KLF12: variants seen among roughly 807,000 people sequenced by gnomAD.
The protein encoded by KLF12 is KLF transcription factor 12.
A neutral mutation model predicts 37.8 loss-of-function variants in KLF12; 9 were observed. That is an observed-to-expected ratio of 0.24 (90% CI 0.14 to 0.42). The LOEUF (loss-of-function observed/expected upper bound fraction) is 0.42, where lower values mean the gene tolerates loss of function less well. Among genes scored for constraint, KLF12 ranks in the 10% least tolerant of loss-of-function variants. The probability of loss-of-function intolerance (pLI) is 1.00; values close to 1 mark genes in which losing one functional copy is unlikely to be tolerated. For synonymous variants in KLF12, 208 were observed against 202.1 expected, an observed-to-expected ratio of 1.03 and a Z score of -0.25; for missense variants, 411 against 516.0, an observed-to-expected ratio of 0.80 and a Z score of 1.97.
rs180797252 is a variant in KLF12, at chr13:74,113,514, C to A, written c.-32+20225G>T. 9.3e-4 allele frequency among the ~76,000 whole-genome samples: 141 copies of A among 152,276 alleles called. 1 individual carries two copies. Among genetic ancestry groups the A allele is most frequent in the African/African-American group, 3.2e-3 (134 of 41,580 alleles). ...CCCTGCCTGTGCTTTATAAATGGAACAACAAAGCCTGGATAATGGCACATC... is the reference window on the plus strand; with the variant it reads ...CCCTGCCTGTGCTTTATAAATGGAAAAACAAAGCCTGGATAATGGCACATC... On this transcript the variant is annotated intron_variant, in intron 1 of 7. Coordinates refer to ENST00000377669, the MANE Select transcript of KLF12 (RefSeq NM_007249.5).
intron 1 of KLF12, among the ~76,000 whole-genome samples, chr13:74,082,022 A>C (rs61958001): frequency 0.19 from 29,329 of 152,042 alleles, 2,993 homozygotes; most frequent in African/African-American, 0.27. Flanking sequence ...AACAAAAGAA[A>C]TTCACATAAA....
intron 6 of KLF12, among the ~76,000 whole-genome samples, chr13:73,753,287 T>C (rs1380611224): frequency 6.6e-6 from 1 of 152,192 alleles, no homozygotes; most frequent in East Asian, 1.9e-4. Context: ...AAGGCCTTTG[T>C]GTGAGCTGTT....
chr13:74,241,128 G>T, the KLF12 span, among the ~76,000 whole-genome samples: 1 of 151,404 alleles, frequency 6.6e-6, no homozygotes, highest in Non-Finnish European at 1.5e-5. Flanking sequence ...TTTTGGTGTG[G>T]ATGTCCTTTC....
chr13:73,800,556 C>T (rs886878053), intron 5 of KLF12: 5 of 151,996 alleles, frequency 3.3e-5, no homozygotes, highest in African/African-American at 1.2e-4. Context: ...TATTTCCTCA[C>T]CCTACTGATG....
intron 1 of KLF12, among the ~76,000 whole-genome samples, chr13:74,041,684 G>A (rs969741241): frequency 1.7e-4 from 22 of 127,766 alleles, no homozygotes; most frequent in Non-Finnish European, 3.2e-4. Flanking sequence ...TCCCCAGATC[G>A]CTGATTTACA....
intron 5 of KLF12, among the ~76,000 whole-genome samples, chr13:73,792,954 T>A (rs1881770967): frequency 6.6e-6 from 1 of 152,240 alleles, no homozygotes; most frequent in South Asian, 2.1e-4. Context: ...TGAACACGTG[T>A]CTCACTCTGC....
At chr13:74,143,482 G>A in the KLF12 span, among the ~76,000 whole-genome samples, 2 of 151,516 alleles carry the variant, frequency 1.3e-5, no homozygotes, top group Non-Finnish European at 1.5e-5. Context: ...CATTTACTAT[G>A]TGCCACACAC....
chr13:74,210,588 AT>A, the KLF12 span, among the ~76,000 whole-genome samples: 1 of 152,188 alleles, frequency 6.6e-6, no homozygotes, highest in Non-Finnish European at 1.5e-5. Context: ...AGGTCATAAA[AT>A]TTGGTTGAAT....
the KLF12 span, among the ~76,000 whole-genome samples, chr13:74,209,188 A>G: frequency 6.6e-6 from 1 of 152,090 alleles, no homozygotes; most frequent in Non-Finnish European, 1.5e-5. Flanking sequence ...TATTCAATAG[A>G]TATTGGATTC....
chr13:74,191,412 G>A, the KLF12 span, among the ~76,000 whole-genome samples: 1 of 152,252 alleles, frequency 6.6e-6, no homozygotes, highest in East Asian at 1.9e-4. Context: ...ATTTTGTTGA[G>A]TTATATTTAT....
chr13:74,105,299 T>G (rs1421853024), intron 1 of KLF12, among the ~76,000 whole-genome samples: 2 of 152,202 alleles, frequency 1.3e-5, no homozygotes, highest in African/African-American at 2.4e-5. Context: ...ATGAGTTTTA[T>G]ATCTTCAAAA....
intron 2 of KLF12, among the ~76,000 whole-genome samples, chr13:73,966,518 G>C (rs955373586): frequency 6.6e-6 from 1 of 152,150 alleles, no homozygotes; most frequent in Non-Finnish European, 1.5e-5. Context: ...CTGTTCCTTG[G>C]GGATTTGTAA....
chr13:74,094,120 C>A (rs551868679), intron 1 of KLF12, among the ~76,000 whole-genome samples: 21 of 152,076 alleles, frequency 1.4e-4, no homozygotes, highest in African/African-American at 4.3e-4. Flanking sequence ...CCACCTCTAC[C>A]TTATATATAG....
At chr13:74,194,854 G>T in the KLF12 span, among the ~76,000 whole-genome samples, 1 of 152,162 alleles carries the variant, frequency 6.6e-6, no homozygotes, top group Admixed American at 6.5e-5. Flanking sequence ...AAACAAACCA[G>T]ATTTTAAAAA....
chr13:73,759,624 G>C (rs892223329), intron 6 of KLF12, among the ~76,000 whole-genome samples: 2 of 152,152 alleles, frequency 1.3e-5, no homozygotes. Context: ...CAACTGCCAC[G>C]TCATGGAAAG....
chr13:74,189,506 C>G, the KLF12 span, among the ~76,000 whole-genome samples: 1 of 152,142 alleles, frequency 6.6e-6, no homozygotes, highest in African/African-American at 2.4e-5. Context: ...GATCAGTCTT[C>G]CATTTCTAGG....
chr13:73,747,430 G>A (rs933775320), intron 6 of KLF12, among the ~76,000 whole-genome samples: 3 of 152,300 alleles, frequency 2.0e-5, no homozygotes, highest in East Asian at 3.9e-4. Flanking sequence ...TGAGAAGGAC[G>A]CAGTAGATAT....
chr13:73,849,078 T>C (rs1219624356), intron 3 of KLF12, among the ~76,000 whole-genome samples: 3 of 152,116 alleles, frequency 2.0e-5, no homozygotes, highest in African/African-American at 7.2e-5. Flanking sequence ...GACATATCTG[T>C]AAAGCCAGAA....
At chr13:74,158,697 G>A in the KLF12 span, among the ~76,000 whole-genome samples, 3 of 152,074 alleles carry the variant, frequency 2.0e-5, no homozygotes, top group Non-Finnish European at 4.4e-5. Flanking sequence ...AGAGTGTTGG[G>A]TAATGTGGGG....
Sources: allele counts gnomAD v4.1 joint callset (sites outside exome capture counted in the v4.1 genomes callset), GRCh38; gene constraint gnomAD v4.1.1; transcripts MANE v1.5; gene names NCBI Gene and HGNC (gene_info 2026-07-23, HGNC 2026-07-21).